Variants in GNPTAB observed in about 807,000 individuals in gnomAD.
GNPTAB encodes N-acetylglucosamine-1-phosphotransferase subunits alpha/beta.
Under a neutral mutation model 136.6 loss-of-function variants are expected in GNPTAB, and 92 were observed. That is an observed-to-expected ratio of 0.67 (90% CI 0.57 to 0.80). The LOEUF is 0.80. Among genes scored for constraint, GNPTAB ranks in the 30% least tolerant of loss-of-function variants. The pLI is 0.00. For synonymous variants in GNPTAB, 512 were observed against 535.1 expected, an observed-to-expected ratio of 0.96 and a Z score of 0.60; for missense variants, 1,343 against 1,501.8, an observed-to-expected ratio of 0.89 and a Z score of 1.75.
chr12:101,830,607 G>T lies in GNPTAB; in HGVS notation c.69C>A (p.Cys23Ter). The T allele has an allele frequency of 6.2e-7, 1 of 1,613,162 alleles. No homozygotes were observed. Reference sequence around the variant, plus strand: ...CGATGGTGACAACGACGCCCAAGAAGCACACGTAGAGCCCATACCTGTGGG... The same window carrying T: ...CGATGGTGACAACGACGCCCAAGAATCACACGTAGAGCCCATACCTGTGGG... ...CLSHRYGLYV[C>*]FLGVVVTIVS... Residue 23 changes from cysteine to a stop codon, truncating the protein, a stop_gained, in exon 1 of 21, where the codon TGC (cysteine) becomes TGA (stop). Transcript: ENST00000299314. LOFTEE classifies it high-confidence loss of function.
chr12:101,783,111 C>T (rs1036261423), intron 5 of GNPTAB, among the ~76,000 whole-genome samples: 1 of 151,878 alleles, frequency 6.6e-6, no homozygotes, highest in Non-Finnish European at 1.5e-5. Flanking sequence ...CCGTCTGACT[C>T]TCTGACTCCC....
intron 1 of GNPTAB, among the ~76,000 whole-genome samples, chr12:101,809,020 T>A (rs1344952578): frequency 2.6e-5 from 4 of 152,210 alleles, no homozygotes; most frequent in Admixed American, 6.5e-5. Context: ...TGAGAAAAAA[T>A]ATTTGTAAGA....
rs561222064 is a variant in GNPTAB, at chr12:101,765,020, C to G, written c.1897G>C (p.Val633Leu). ...EEFKMQITVE[V>L]DTREGPKLNS... Reference sequence around the variant, plus strand: ...AGTTTTGGTCCCTCCCTTGTGTCCACCTCCACTGTTATCTGCATTTTGAAC... The same window carrying G: ...AGTTTTGGTCCCTCCCTTGTGTCCAGCTCCACTGTTATCTGCATTTTGAAC... Residue 633 changes from valine (V) to leucine (L), a missense_variant, in exon 13 of 21, where the codon GTG becomes CTG. Val to Leu is a conservative substitution (Grantham distance 32). Coordinates refer to ENST00000299314, the MANE Select transcript of GNPTAB (RefSeq NM_024312.5). 1 of 1,614,206 alleles carries G rather than the reference C, an allele frequency of 6.2e-7. No individual in the cohort carries two copies. The highest frequency in any genetic ancestry group is 1.1e-5 in the South Asian group (1 of 91,084).
rs1398039468 is a variant in GNPTAB, at chr12:101,771,629, T to TA, written c.772-473dup. 4.6e-5 allele frequency among the ~76,000 whole-genome samples: 7 copies of TA among 152,192 alleles called. No homozygotes were observed. In the East Asian group the frequency reaches 7.7e-4, roughly 17 times the overall value. On this transcript the variant is annotated intron_variant, in intron 7 of 20. Coordinates refer to ENST00000299314, the MANE Select transcript of GNPTAB (RefSeq NM_024312.5). ...CCAGATGCATTTCCCAAATGAATGT[T>TA]AAAAAAATAGGCGTCTAAAAACAAG... is the stretch of plus-strand genomic sequence containing the variant.
chr12:101,802,222 A>C (rs1482236945), intron 1 of GNPTAB, among the ~76,000 whole-genome samples: 2 of 151,132 alleles, frequency 1.3e-5, no homozygotes, highest in Non-Finnish European at 2.9e-5. Context: ...AAAAAAGAAA[A>C]GAAAAGAAAA....
rs768077700 is a variant in GNPTAB, at chr12:101,761,783, T to A, written c.2716-20A>T. 62 of 1,550,690 alleles carry A rather than the reference T, an allele frequency of 4.0e-5. No homozygotes were observed. In the South Asian group the frequency reaches 6.7e-4, roughly 17 times the overall value. On this transcript the variant is annotated intron_variant, in intron 13 of 20. Transcript: ENST00000299314. ...TTCTTCCTGAAAAGAGAATTCTACA[T>A]GTAACTCAGCATTATGTTTAGTGCA...
In GNPTAB at chr12:101,780,319, C is replaced by A. The variant is rs755550950; in HGVS notation, c.637-33G>T. ...AAGGGGAAAAACATAACTCATTTTC[C>A]ACATCATGAGGCTGGTGAAAACCTA... On this transcript the variant is annotated intron_variant, in intron 6 of 20. Transcript: ENST00000299314. 6.8e-6 allele frequency: 11 copies of A among 1,611,716 alleles called. No homozygotes were observed. In the South Asian group the frequency reaches 1.2e-4, roughly 18 times the overall value.
chr12:101,823,308 G>C (rs1013052651), intron 1 of GNPTAB, among the ~76,000 whole-genome samples: 13 of 152,162 alleles, frequency 8.5e-5, no homozygotes, highest in African/African-American at 3.1e-4. Flanking sequence ...GCTTGTTGGA[G>C]AGGCAGCAGG....
In GNPTAB at chr12:101,810,396, C is replaced by CATATATATAT. The variant is rs55753015; in HGVS notation, c.118-13644_118-13635dup. The stretch of plus-strand genomic sequence containing the variant: ...TAAAATATAAAGTCTACTCCAATTT[C>CATATATATAT]ATATATATATATATATATATATATA... On this transcript the variant is annotated intron_variant, in intron 1 of 20. Transcript: ENST00000299314. 1.0e-3 allele frequency: 136 copies of CATATATATAT among 134,226 alleles called. 1 individual carries two copies. Among genetic ancestry groups the CATATATATAT allele is most frequent in the African/African-American group, 3.4e-3 (126 of 36,618 alleles). 8.3% of individuals were successfully genotyped at this position (134,226 alleles called of 1,614,324 possible). A position where few individuals can be genotyped will look rare whatever the true frequency, so the allele number is the denominator to read the frequency against.
At position 101,765,036 on chromosome 12, in the gene GNPTAB, C is replaced by T. The variant is rs757613660; in HGVS notation, c.1881G>A (p.Met627Ile). The change falls in exon 13 of 21, where the codon ATG becomes ATA. Residue 627 changes from methionine to isoleucine, a missense_variant. Met to Ile is a conservative substitution (Grantham distance 10). Coordinates refer to ENST00000299314, the MANE Select transcript of GNPTAB (RefSeq NM_024312.5). ...FQNTNDEEFK[M>I]QITVEVDTRE... ...TTGTGTCCACCTCCACTGTTATCTGCATTTTGAACTCTTCATCGTTTGTAT... is the reference window on the plus strand; with the variant it reads ...TTGTGTCCACCTCCACTGTTATCTGTATTTTGAACTCTTCATCGTTTGTAT... 1.1e-5 allele frequency: 18 copies of T among 1,614,062 alleles called. No homozygotes were observed.
rs186405819 is a variant in GNPTAB, at chr12:101,763,591, A to C, written c.2715+611T>G. On this transcript the variant is annotated intron_variant, in intron 13 of 20. Transcript: ENST00000299314. ...TTCTTGCCCATATCTCAACACAGAC[A>C]CATCTCTTTGCTACAGTTTTCTCCC... 3.3e-4 allele frequency among the ~76,000 whole-genome samples: 50 copies of C among 152,274 alleles called. No individual in the cohort carries two copies. The East Asian group carries it at 9.1e-3, about 28-fold the overall frequency.
At chr12:101,818,447 G>A (rs1014796724) in intron 1 of GNPTAB, among the ~76,000 whole-genome samples, 4 of 149,084 alleles carry the variant, frequency 2.7e-5, no homozygotes, top group South Asian at 2.1e-4. Context: ...GCACGATCTC[G>A]GCTCACCACA....
Position 101,764,830 on chromosome 12 carries a change from G to C in GNPTAB, c.2087C>G (p.Pro696Arg), listed in dbSNP as rs1383772676. 6.2e-7 allele frequency: 1 copy of C among 1,614,016 alleles called. No individual in the cohort carries two copies. ...TGGAAGGAGTGAAATATTTACCAGG[G>C]GAATTTTCACCTCTTCCTGGGCTCT... The part of the protein sequence containing the change: ...TRRAQEEVKI[P>R]LVNISLLPKD... The change falls in exon 13 of 21, where the codon CCC becomes CGC. Residue 696 changes from proline to arginine, a missense_variant. Transcript: ENST00000299314.
intron 2 of GNPTAB, among the ~76,000 whole-genome samples, chr12:101,792,298 CAGAGGGGAG>C (rs1869039685): frequency 6.6e-6 from 1 of 152,122 alleles, no homozygotes; most frequent in Non-Finnish European, 1.5e-5. Flanking sequence ...GTTCCCTGAG[CAGAGGGGAG>C]AGAGGAAATG....
Sources: allele counts gnomAD v4.1 joint callset (sites outside exome capture counted in the v4.1 genomes callset), GRCh38; gene constraint gnomAD v4.1.1; transcripts MANE v1.5; gene names NCBI Gene and HGNC (gene_info 2026-07-23, HGNC 2026-07-21).